Variants in TRIP11 observed in about 807,000 individuals in gnomAD.
TRIP11 encodes the protein thyroid hormone receptor interactor 11.
TRIP11 carries 148 observed loss-of-function variants against 223.1 expected under a neutral mutation model. The observed-to-expected ratio is 0.66, with a 90% confidence interval of 0.58 to 0.76. TRIP11 has a LOEUF of 0.76. Among genes scored for constraint, TRIP11 ranks in the 30% least tolerant of loss-of-function variants. The pLI, the probability that TRIP11 is intolerant of heterozygous loss-of-function variation, is 0.00. For synonymous variants in TRIP11, 762 were observed against 772.6 expected (o/e 0.99, Z 0.23); for missense variants, 2,043 against 2,222.0 (o/e 0.92, Z 1.62).
At position 92,001,831 on chromosome 14, in the gene TRIP11, C is replaced by G. The variant is rs369724330; in HGVS notation, c.4557+1588G>C. Reference sequence around the variant, plus strand: ...ATAGGAAGCTCTAGCCTCTAGGACTCTCTTCACATCAATTATAGACCAGTA... The same window carrying G: ...ATAGGAAGCTCTAGCCTCTAGGACTGTCTTCACATCAATTATAGACCAGTA... On this transcript the variant is annotated intron_variant, in intron 11 of 20. Transcript: ENST00000267622. Among the ~76,000 whole-genome samples, 22 of 152,188 alleles carry G rather than the reference C, an allele frequency of 1.4e-4. No individual in the cohort carries two copies. The East Asian group carries it at 2.5e-3, about 17-fold the overall frequency.
intron 4 of TRIP11, among the ~76,000 whole-genome samples, chr14:92,020,554 T>C (rs2057098064): frequency 6.6e-6 from 1 of 151,942 alleles, no homozygotes; most frequent in Non-Finnish European, 1.5e-5. Context: ...GTTTCAAACA[T>C]GGTGCCTCGG....
At chr14:91,981,012 A>ATATATATTT (rs1301331303) in intron 16 of TRIP11, among the ~76,000 whole-genome samples, 3 of 49,942 alleles carry the variant, frequency 6.0e-5, no homozygotes, top group African/African-American at 2.0e-4. Context: ...ATATATATAT[A>ATATATATTT]TTTTTTTTTT....
In TRIP11 at chr14:92,037,976, G is replaced by T. The variant is rs143089495; in HGVS notation, c.139+1571C>A. ...ACAATACAATAGAAAATGGACTGGG[G>T]TAGGGAGAAATGGGTGACAGGACAT... On this transcript the variant is annotated intron_variant, in intron 1 of 20. Transcript: ENST00000267622. This position sits in a 1 kb window ranked among gnomAD's most constrained non-coding sequence, Gnocchi z 4.2. Among the ~76,000 whole-genome samples, 1 of 152,310 alleles carries T rather than the reference G, an allele frequency of 6.6e-6. No homozygotes were observed. The highest frequency in any genetic ancestry group is 6.5e-5 in the Admixed American group (1 of 15,296).
At chr14:92,011,183 G>A in intron 8 of TRIP11, 111 bp from the exon 9 acceptor site, 1 of 987,058 alleles carries the variant, frequency 1.0e-6, no homozygotes, top group Middle Eastern at 2.3e-4. Flanking sequence ...TTAATGATAT[G>A]TAGTAATTAT....
intron 12 of TRIP11, 121 bp from the exon 13 acceptor site, chr14:91,999,554 T>A (rs1020712512): frequency 1.3e-5 from 14 of 1,062,296 alleles, no homozygotes; most frequent in Non-Finnish European, 1.9e-5. Context: ...TTTCTCATAC[T>A]GCAAAATGTA....
Position 92,005,620 on chromosome 14 carries a change from C to A in TRIP11, c.2356G>T (p.Asp786Tyr). ...AELKKNIEQM[D>Y]TDHKETKDVL... ...TCCTTAGTTTCTTTATGGTCAGTAT[C>A]CATTTGTTCAATATTCTTTTTGAGT... The change falls in exon 11 of 21, where the codon GAT (aspartate) becomes TAT (tyrosine). Residue 786 changes from aspartate (D) to tyrosine (Y), a missense_variant. Physicochemically the swap from Asp to Tyr is radical, Grantham distance 160. Coordinates refer to ENST00000267622, the MANE Select transcript of TRIP11 (RefSeq NM_004239.4). The A allele has an allele frequency of 6.2e-7, 1 of 1,613,938 alleles. No individual in the cohort carries two copies. Among genetic ancestry groups the A allele is most frequent in the South Asian group, 1.1e-5 (1 of 91,076 alleles).
At chr14:92,008,382 G>T (rs919231383) in intron 9 of TRIP11, among the ~76,000 whole-genome samples, 2 of 152,138 alleles carry the variant, frequency 1.3e-5, no homozygotes, top group African/African-American at 4.8e-5. Context: ...TCTTACTAAA[G>T]GAATTTCCCT....
chr14:92,025,512 C>G, intron 2 of TRIP11, 92 bp from the exon 3 acceptor site: 4 of 837,158 alleles, frequency 4.8e-6, no homozygotes, highest in Non-Finnish European at 7.7e-6. Context: ...ACTGCTTTCC[C>G]CCCCCAAAAA....
Position 92,005,146 on chromosome 14 carries a change from T to G in TRIP11, c.2830A>C (p.Arg944=), listed in dbSNP as rs752628532. ...QEQKKEMDEF[R]YQHEQMNATH... is the part of the protein sequence containing the mutation. ...GCGTTCATTTGCTCATGCTGGTATC[T>G]AAACTCATCCATTTCCTTCTTTTGC... is the stretch of plus-strand genomic sequence containing the variant. The change falls in exon 11 of 21, where the codon AGA becomes CGA. Residue 944 remains arginine, a synonymous_variant. Coordinates refer to ENST00000267622, the MANE Select transcript of TRIP11 (RefSeq NM_004239.4). 3.1e-6 allele frequency: 5 copies of G among 1,613,670 alleles called. No individual in the cohort carries two copies. The East Asian group carries it at 1.1e-4, about 36-fold the overall frequency.
At chr14:92,014,998 G>C (rs1377293141) in intron 6 of TRIP11, among the ~76,000 whole-genome samples, 1 of 151,634 alleles carries the variant, frequency 6.6e-6, no homozygotes, top group East Asian at 1.9e-4. Context: ...CTGCCTCCTG[G>C]GCTCAAGTGA....
At chr14:92,016,816 C>T (rs976873838) in intron 5 of TRIP11, among the ~76,000 whole-genome samples, 1 of 152,084 alleles carries the variant, frequency 6.6e-6, no homozygotes, top group African/African-American at 2.4e-5. Flanking sequence ...AGCCAGGATT[C>T]AAACACAGGT....
chr14:92,032,482 C>A (rs915842940), intron 2 of TRIP11, among the ~76,000 whole-genome samples: 1 of 142,404 alleles, frequency 7.0e-6, no homozygotes, highest in Non-Finnish European at 1.6e-5. Flanking sequence ...TTTTTGTATC[C>A]AAATATTATT....
At chr14:92,000,140 A>AACACAC (rs112793016) in intron 11 of TRIP11, 32 bp from the exon 12 acceptor site, 1 of 1,609,460 alleles carries the variant, frequency 6.2e-7, no homozygotes, top group African/African-American at 1.3e-5. Context: ...AGCTTTAAAA[A>AACACAC]ACACACACAC....
rs769979770 is a variant in TRIP11 at position 92,004,310 on chromosome 14, T to C, written c.3666A>G (p.Glu1222=). The change falls in exon 11 of 21, where the codon GAA becomes GAG. Residue 1222 remains glutamate (E), a synonymous_variant. Transcript: ENST00000267622. Reference sequence around the variant, plus strand: ...TGGTCATCACCTGCTGCTTCCACTCTTCCATTTTCTTTACTTGCTGTTTTA... The same window carrying C: ...TGGTCATCACCTGCTGCTTCCACTCCTCCATTTTCTTTACTTGCTGTTTTA... ...DKLKQQVKKM[E]EWKQQVMTTV... The C allele has an allele frequency of 8.1e-6, 13 of 1,614,128 alleles. No individual in the cohort carries two copies. In the South Asian group the frequency reaches 9.9e-5, roughly 12 times the overall value.
chr14:92,015,708 G>T lies in TRIP11; in HGVS notation c.811C>A (p.Leu271Met). The T allele has an allele frequency of 6.2e-7, 1 of 1,609,546 alleles. No homozygotes were observed. Among genetic ancestry groups the T allele is most frequent in the East Asian group, 2.2e-5 (1 of 44,792 alleles). Residue 271 changes from leucine to methionine, a missense_variant, in exon 6 of 21, where the codon CTG (leucine) becomes ATG (methionine). Leu to Met is a conservative substitution (Grantham distance 15, BLOSUM62 2). Transcript: ENST00000267622. ...YEERIEELEN[L>M]LQQGGSGVIE... ...TAAAACTAATAACCTTGTTGTAACA[G>T]ATTTTCAAGTTCTTCAATTCGTTCT...
At chr14:91,986,612 A>T (rs994864099) in intron 16 of TRIP11, among the ~76,000 whole-genome samples, 8 of 152,340 alleles carry the variant, frequency 5.3e-5, no homozygotes, top group African/African-American at 1.9e-4. Context: ...TGTCTAAAAG[A>T]GGATGTGGCC....
In TRIP11 at chr14:92,004,223, T is replaced by C. The variant is rs1450599861; in HGVS notation, c.3753A>G (p.Ala1251=). 1 of 1,614,190 alleles carries C rather than the reference T, an allele frequency of 6.2e-7. No individual in the cohort carries two copies. Among genetic ancestry groups the C allele is most frequent in the South Asian group, 1.1e-5 (1 of 91,082 alleles). ...QLQEELHQLQ[A]QVLVDSDNNS... ...TATTATCACTGTCAACCAAAACCTGTGCTTGAAGTTGGTGAAGCTCTTCCT... is the reference window on the plus strand; with the variant it reads ...TATTATCACTGTCAACCAAAACCTGCGCTTGAAGTTGGTGAAGCTCTTCCT... The change falls in exon 11 of 21, where the codon GCA becomes GCG. Residue 1251 remains alanine, a synonymous_variant. Coordinates refer to ENST00000267622, the MANE Select transcript of TRIP11 (RefSeq NM_004239.4).
At position 92,006,224 on chromosome 14, in the gene TRIP11, T is replaced by C. The variant is rs1460952248; in HGVS notation, c.1752A>G (p.Lys584=). ...TTAGCTGATCTACTAAATTTTCTAC[T>C]TTGTCCTCAAGTTTCTGCTTGGTTA... is the stretch of plus-strand genomic sequence containing the variant. The part of the protein sequence containing the change: ...LHLTKQKLED[K]VENLVDQLNK... The change falls in exon 11 of 21, where the codon AAA becomes AAG. Residue 584 remains lysine (K), a synonymous_variant. Transcript: ENST00000267622. The C allele has an allele frequency of 1.2e-6, 2 of 1,613,174 alleles. No individual in the cohort carries two copies. Among genetic ancestry groups the C allele is most frequent in the Non-Finnish European group, 1.7e-6 (2 of 1,179,796 alleles).
At chr14:92,032,216 C>T (rs1280334056) in intron 2 of TRIP11, among the ~76,000 whole-genome samples, 1 of 152,036 alleles carries the variant, frequency 6.6e-6, no homozygotes, top group Admixed American at 6.6e-5. Flanking sequence ...GGCGTGATCT[C>T]GGCTCAGTGC....
Sources: allele counts gnomAD v4.1 joint callset (sites outside exome capture counted in the v4.1 genomes callset), GRCh38; gene constraint gnomAD v4.1.1; non-coding constraint Gnocchi (gnomAD v3.1); transcripts MANE v1.5; gene names NCBI Gene and HGNC (gene_info 2026-07-23, HGNC 2026-07-21).